Variants in SLC44A3 observed in about 807,000 individuals in gnomAD.
SLC44A3 encodes choline transporter-like protein 3.
Under a neutral mutation model 75.4 loss-of-function variants are expected in SLC44A3, and 74 were observed. The ratio of observed to expected loss-of-function variants is 0.98; its 90% confidence interval spans 0.81 to 1.19. SLC44A3 has a LOEUF of 1.19. SLC44A3 is among the 50% of genes most tolerant of loss of function. The pLI, the probability that SLC44A3 is intolerant of heterozygous loss-of-function variation, is 0.00. For missense variants in SLC44A3, 700 were observed against 778.6 expected, an observed-to-expected ratio of 0.90 and a Z score of 1.20; for synonymous variants, 310 against 296.9, an observed-to-expected ratio of 1.04 and a Z score of -0.45.
chr1:94,881,607 G>A (rs1046940470), intron 12 of SLC44A3, among the ~76,000 whole-genome samples: 7 of 151,676 alleles, frequency 4.6e-5, no homozygotes, highest in African/African-American at 1.7e-4. Flanking sequence ...GGGAGGCTGA[G>A]GCAGGAGAAT....
chr1:94,832,800 C>T (rs915011), intron 5 of SLC44A3, among the ~76,000 whole-genome samples: 82,496 of 151,886 alleles, frequency 0.54, 22,475 homozygotes, highest in East Asian at 0.69. Flanking sequence ...ATAACGAGAC[C>T]ATGTCTCTAC....
intron 9 of SLC44A3, among the ~76,000 whole-genome samples, chr1:94,848,202 A>C (rs181805352): frequency 2.4e-4 from 36 of 148,440 alleles, no homozygotes; most frequent in African/African-American, 5.3e-4. Context: ...GCACTCCAGC[A>C]TGGGCCACAG....
intron 12 of SLC44A3, among the ~76,000 whole-genome samples, chr1:94,889,961 C>T (rs1670031345): frequency 1.3e-5 from 2 of 152,130 alleles, no homozygotes; most frequent in Non-Finnish European, 2.9e-5. Context: ...AGCAATTCTC[C>T]TGCCTCAACC....
chr1:94,873,869 A>C (rs1327918233), intron 12 of SLC44A3, among the ~76,000 whole-genome samples: 1 of 152,228 alleles, frequency 6.6e-6, no homozygotes. Flanking sequence ...AAAGTTTCTT[A>C]AGAAGAAACA....
intron 12 of SLC44A3, among the ~76,000 whole-genome samples, chr1:94,881,497 G>A (rs1018411021): frequency 1.5e-4 from 23 of 151,612 alleles, no homozygotes; most frequent in African/African-American, 5.6e-4. Flanking sequence ...AAGGTCAGGA[G>A]ATCAAGACCA....
At chr1:94,865,040 C>G in intron 11 of SLC44A3, 141 bp downstream of exon 11, 1 of 706,112 alleles carries the variant, frequency 1.4e-6, no homozygotes, top group Non-Finnish European at 2.2e-6. Context: ...CTCCTCAGCT[C>G]CCATCCCCCG....
At chr1:94,855,121 G>T (rs1665718509) in intron 9 of SLC44A3, 1 of 152,086 alleles carries the variant, frequency 6.6e-6, no homozygotes, top group Non-Finnish European at 1.5e-5. Flanking sequence ...CATCACTTCA[G>T]CTGCTCCCAC....
chr1:94,838,631 T>C (rs1029199569), intron 6 of SLC44A3, among the ~76,000 whole-genome samples: 1 of 152,200 alleles, frequency 6.6e-6, no homozygotes, highest in Non-Finnish European at 1.5e-5. Context: ...AGTTAACAAA[T>C]TGAGTTTTCC....
intron 12 of SLC44A3, among the ~76,000 whole-genome samples, chr1:94,890,346 TA>T (rs1358945656): frequency 6.6e-6 from 1 of 152,202 alleles, no homozygotes; most frequent in East Asian, 1.9e-4. Flanking sequence ...GGGTCCTCTA[TA>T]AAATTTTCCT....
At chr1:94,864,522 A>T (rs1457676232) in intron 10 of SLC44A3, among the ~76,000 whole-genome samples, 1 of 152,110 alleles carries the variant, frequency 6.6e-6, no homozygotes, top group Non-Finnish European at 1.5e-5. Context: ...AATTTTTTTA[A>T]ATTTTTTCTG....
At chr1:94,849,336 G>A (rs541795360) in intron 9 of SLC44A3, among the ~76,000 whole-genome samples, 20 of 152,222 alleles carry the variant, frequency 1.3e-4, no homozygotes, top group East Asian at 3.9e-4. Context: ...AAGGTGCTAC[G>A]CAGAGCCACC....
chr1:94,847,995 A>C (rs988497100), intron 9 of SLC44A3, among the ~76,000 whole-genome samples: 3 of 152,128 alleles, frequency 2.0e-5, no homozygotes, highest in Non-Finnish European at 2.9e-5. Flanking sequence ...TTGGGAGGCC[A>C]AGGCGGGCGG....
At chr1:94,860,180 T>C (rs931839495) in intron 10 of SLC44A3, among the ~76,000 whole-genome samples, 1 of 152,086 alleles carries the variant, frequency 6.6e-6, no homozygotes, top group African/African-American at 2.4e-5. Flanking sequence ...TATAATATTA[T>C]CAGAGAGAAC....
At chr1:94,830,723 T>G (rs1038253856) in intron 5 of SLC44A3, among the ~76,000 whole-genome samples, 1 of 152,214 alleles carries the variant, frequency 6.6e-6, no homozygotes, top group Non-Finnish European at 1.5e-5. Context: ...TAACTGTAGA[T>G]GTAACTACGG....
At chr1:94,866,967 T>G (rs1367081426) in intron 11 of SLC44A3, among the ~76,000 whole-genome samples, 1 of 152,150 alleles carries the variant, frequency 6.6e-6, no homozygotes, top group African/African-American at 2.4e-5. Flanking sequence ...GGATTTTTCG[T>G]GAATATAAAC....
At chr1:94,870,124 C>T (rs796295001) in intron 12 of SLC44A3, among the ~76,000 whole-genome samples, 1 of 152,352 alleles carries the variant, frequency 6.6e-6, no homozygotes, top group African/African-American at 2.4e-5. Context: ...ATGAAACTCT[C>T]AGTCTCATAA....
intron 12 of SLC44A3, among the ~76,000 whole-genome samples, chr1:94,878,260 CAA>C (rs57269049): frequency 1.3e-5 from 2 of 150,282 alleles, no homozygotes; most frequent in African/African-American, 4.9e-5. Context: ...AACAAACAAA[CAA>C]AAAAAAAACA....
chr1:94,820,819 AT>A (rs1192617211), intron 1 of SLC44A3, 129 bp from the exon 2 acceptor site: 20 of 1,304,760 alleles, frequency 1.5e-5, no homozygotes, highest in Middle Eastern at 2.8e-4. Flanking sequence ...ACGTAAAAAA[AT>A]AATATTAATT....
At chr1:94,857,538 T>TA (rs777672726) in intron 10 of SLC44A3, 38 bp downstream of exon 10, 2 of 1,574,174 alleles carry the variant, frequency 1.3e-6, no homozygotes, top group Non-Finnish European at 1.7e-6. Context: ...TTTGTCTATG[T>TA]GGTTTATCTA....
Sources: allele counts gnomAD v4.1 joint callset (sites outside exome capture counted in the v4.1 genomes callset), GRCh38; gene constraint gnomAD v4.1.1; transcripts MANE v1.5; gene names NCBI Gene and HGNC (gene_info 2026-07-23, HGNC 2026-07-21).